Variants in ST18 observed in about 807,000 individuals in gnomAD.
ST18 encodes the protein suppression of tumorigenicity 18 protein.
ST18 carries 50 observed loss-of-function variants against 110.0 expected under a neutral mutation model. That is an observed-to-expected ratio of 0.45 (90% CI 0.36 to 0.58). The LOEUF is 0.58. Among genes scored for constraint, ST18 ranks in the 20% least tolerant of loss-of-function variants. ST18 has a pLI of 0.00. For missense variants in ST18, 1,306 were observed against 1,280.1 expected, an observed-to-expected ratio of 1.02 and a Z score of -0.31; for synonymous variants, 461 against 452.4, an observed-to-expected ratio of 1.02 and a Z score of -0.24.
At chr8:52,203,403 C>A (rs1186045784) in intron 8 of ST18, among the ~76,000 whole-genome samples, 1 of 152,086 alleles carries the variant, frequency 6.6e-6, no homozygotes, top group Non-Finnish European at 1.5e-5. Context: ...TAGAATTTGA[C>A]AAACCAGTCA....
intron 2 of ST18, among the ~76,000 whole-genome samples, chr8:52,260,455 A>AT (rs2094653584): frequency 6.6e-6 from 1 of 152,342 alleles, no homozygotes; most frequent in Admixed American, 6.5e-5. Context: ...CACCAGCTGC[A>AT]TGAAATCTGG....
At chr8:52,210,501 T>C (rs1001385453) in intron 8 of ST18, among the ~76,000 whole-genome samples, 2 of 151,496 alleles carry the variant, frequency 1.3e-5, no homozygotes, top group African/African-American at 4.9e-5. Context: ...CTACTAAAAA[T>C]ATAAAAATTA....
At chr8:52,114,734 C>T (rs943229400) in intron 25 of ST18, among the ~76,000 whole-genome samples, 1 of 152,130 alleles carries the variant, frequency 6.6e-6, no homozygotes, top group Non-Finnish European at 1.5e-5. Context: ...GCCCACTTGC[C>T]TTGTGTTAGC....
intron 2 of ST18, among the ~76,000 whole-genome samples, chr8:52,249,973 C>A (rs147709946): frequency 6.6e-6 from 1 of 152,134 alleles, no homozygotes; most frequent in African/African-American, 2.4e-5. Context: ...CCCCCCGACC[C>A]CAGCCCTACC....
chr8:52,161,314 C>G lies in ST18; in HGVS notation c.1594+61G>C, dbSNP rs1249227235. ...AAGTACAGCCCCCTGGCCCCCAGTA[C>G]ACACATACACCCATACACAAGAAGC... On this transcript the variant is annotated intron_variant, in intron 14 of 25. Coordinates refer to ENST00000689386, the MANE Select transcript of ST18 (RefSeq NM_001352837.2). 3 of 1,543,380 alleles carry G rather than the reference C, an allele frequency of 1.9e-6. No individual in the cohort carries two copies. The African/African-American group carries it at 4.1e-5, about 21-fold the overall frequency.
intron 2 of ST18, among the ~76,000 whole-genome samples, chr8:52,238,096 C>A (rs1231251681): frequency 2.0e-5 from 3 of 152,166 alleles, no homozygotes; most frequent in African/African-American, 7.2e-5. Context: ...GAAATCCAAC[C>A]TTCACATGTT....
At chr8:52,248,844 ATTGG>A (rs1170959204) in intron 2 of ST18, among the ~76,000 whole-genome samples, 1 of 152,096 alleles carries the variant, frequency 6.6e-6, no homozygotes, top group Non-Finnish European at 1.5e-5. Context: ...GTTGTGCTTG[ATTGG>A]TTGGTTTTTA....
At chr8:52,200,126 A>G (rs2077465646) in intron 8 of ST18, among the ~76,000 whole-genome samples, 1 of 152,168 alleles carries the variant, frequency 6.6e-6, no homozygotes. Flanking sequence ...ACTATTCTAG[A>G]TGTTGTGGAT....
chr8:52,388,928 C>T (rs897348317), intron 2 of ST18, among the ~76,000 whole-genome samples: 4 of 147,648 alleles, frequency 2.7e-5, no homozygotes, highest in African/African-American at 9.9e-5. Flanking sequence ...AACTAACCTG[C>T]ACATTGTGCA....
chr8:52,214,471 C>T (rs974163358), intron 6 of ST18, among the ~76,000 whole-genome samples: 2 of 152,166 alleles, frequency 1.3e-5, no homozygotes, highest in South Asian at 2.1e-4. Flanking sequence ...GAGAGAACAG[C>T]GACAAGAGGG....
At chr8:52,318,999 G>A (rs2096077311) in intron 2 of ST18, among the ~76,000 whole-genome samples, 1 of 152,024 alleles carries the variant, frequency 6.6e-6, no homozygotes, top group Non-Finnish European at 1.5e-5. Context: ...CCTGGATGAT[G>A]GGATGATCTG....
intron 2 of ST18, among the ~76,000 whole-genome samples, chr8:52,389,173 C>T (rs1387529144): frequency 2.0e-5 from 3 of 152,092 alleles, no homozygotes; most frequent in African/African-American, 4.8e-5. Context: ...CAGCACAGAG[C>T]GCGAAAGTCG....
chr8:52,279,508 T>C (rs997869260), intron 2 of ST18, among the ~76,000 whole-genome samples: 1 of 152,262 alleles, frequency 6.6e-6, no homozygotes, highest in South Asian at 2.1e-4. Flanking sequence ...CAACGAGAAG[T>C]TGGGTGGAAA....
Position 52,304,859 on chromosome 8 carries a change from G to C in ST18, c.-464-74782C>G, listed in dbSNP as rs577729876. Among the ~76,000 whole-genome samples, 19 of 152,148 alleles carry C rather than the reference G, an allele frequency of 1.2e-4. 1 individual carries two copies. The South Asian group carries it at 3.9e-3, about 32-fold the overall frequency. ...GAGGAAGGGGCAAGAGAGCTCTCTG[G>C]GTCTCTCTTACAAGAGCACTAATCC... On this transcript the variant is annotated intron_variant, in intron 2 of 25. Transcript: ENST00000689386.
rs532439814 is a variant in ST18, at chr8:52,190,870, C to T, written c.87-10558G>A. Among the ~76,000 whole-genome samples the T allele has an allele frequency of 5.3e-5, 8 of 152,262 alleles. No individual in the cohort carries two copies. The East Asian group carries it at 7.7e-4, about 15-fold the overall frequency. On this transcript the variant is annotated intron_variant, in intron 8 of 25. Transcript: ENST00000689386. ...TTTGAGAGATGGAAGATAAGTCGAA[C>T]GAAGATTCGGGGCACACCATATCGG... is the stretch of plus-strand genomic sequence containing the variant.
chr8:52,162,377 C>T (rs182990917), intron 13 of ST18, among the ~76,000 whole-genome samples: 27 of 152,308 alleles, frequency 1.8e-4, no homozygotes, highest in Admixed American at 1.6e-3. Context: ...ATGCTAGGCT[C>T]TGCTCAGTCC....
At chr8:52,238,126 G>A (rs972498150) in intron 2 of ST18, among the ~76,000 whole-genome samples, 2 of 152,164 alleles carry the variant, frequency 1.3e-5, no homozygotes, top group Non-Finnish European at 2.9e-5. Context: ...AATGTAAAAT[G>A]TTCAGCAACA....
intron 2 of ST18, among the ~76,000 whole-genome samples, chr8:52,359,522 G>A (rs1464377961): frequency 6.6e-6 from 1 of 152,112 alleles, no homozygotes; most frequent in Non-Finnish European, 1.5e-5. Flanking sequence ...CTATGTGCCA[G>A]GCACTATTCT....
intron 8 of ST18, among the ~76,000 whole-genome samples, chr8:52,193,462 G>A (rs1479162838): frequency 6.6e-6 from 1 of 152,236 alleles, no homozygotes; most frequent in Admixed American, 6.5e-5. Context: ...CGACTCTGAA[G>A]AGGAATCTAT....
Sources: allele counts gnomAD v4.1 joint callset (sites outside exome capture counted in the v4.1 genomes callset), GRCh38; gene constraint gnomAD v4.1.1; transcripts MANE v1.5; gene names NCBI Gene and HGNC (gene_info 2026-07-23, HGNC 2026-07-21).